MORC1: variants seen among roughly 807,000 people sequenced by gnomAD.
MORC1 encodes the protein MORC family CW-type zinc finger protein 1.
A neutral mutation model predicts 134.9 loss-of-function variants in MORC1; 59 were observed. That is an observed-to-expected ratio of 0.44 (90% CI 0.35 to 0.54). The LOEUF is 0.54. MORC1 is among the 20% of genes least tolerant of loss of function. The probability of loss-of-function intolerance (pLI) is 0.00; values close to 1 mark genes in which losing one functional copy is unlikely to be tolerated. For synonymous variants in MORC1, 395 were observed against 391.7 expected (o/e 1.01, Z -0.10); for missense variants, 947 against 1,134.5 (o/e 0.83, Z 2.37).
intron 9 of MORC1, among the ~76,000 whole-genome samples, chr3:109,067,658 A>G (rs1950228005): frequency 6.6e-6 from 1 of 152,238 alleles, no homozygotes. Context: ...GCTTCCCAGA[A>G]GAATGAGACT....
chr3:109,049,528 G>GTTAGCA (rs1949772066), intron 14 of MORC1, among the ~76,000 whole-genome samples: 1 of 152,048 alleles, frequency 6.6e-6, no homozygotes, highest in Admixed American at 6.5e-5. Flanking sequence ...TTAGTTAGAA[G>GTTAGCA]TTAGCATTAG....
At chr3:109,079,585 G>T (rs1241803627) in intron 8 of MORC1, among the ~76,000 whole-genome samples, 1 of 151,874 alleles carries the variant, frequency 6.6e-6, no homozygotes, top group Admixed American at 6.6e-5. Context: ...CATAAAAAAT[G>T]CCATTAAGAC....
At chr3:108,985,727 G>A (rs950324517) in intron 22 of MORC1, among the ~76,000 whole-genome samples, 2 of 152,146 alleles carry the variant, frequency 1.3e-5, no homozygotes, top group Non-Finnish European at 2.9e-5. Flanking sequence ...CCTAGGATGA[G>A]TATTTAAAAT....
intron 14 of MORC1, among the ~76,000 whole-genome samples, chr3:109,047,046 T>C (rs74837533): frequency 0.017 from 2,552 of 152,234 alleles, 70 homozygotes; most frequent in African/African-American, 0.058. Context: ...AGAGTTTACA[T>C]GTACACGTTT....
chr3:109,081,783 T>C (rs1950524871), intron 8 of MORC1, among the ~76,000 whole-genome samples: 1 of 152,106 alleles, frequency 6.6e-6, no homozygotes, highest in Non-Finnish European at 1.5e-5. Flanking sequence ...CATGATGATC[T>C]TTCCCCCAAT....
chr3:109,006,700 A>G (rs1948548085), intron 18 of MORC1, among the ~76,000 whole-genome samples: 1 of 152,204 alleles, frequency 6.6e-6, no homozygotes, highest in Non-Finnish European at 1.5e-5. Context: ...TATATATACA[A>G]CATATTTCTA....
At chr3:109,040,426 AG>A (rs1949494252) in intron 14 of MORC1, among the ~76,000 whole-genome samples, 1 of 105,498 alleles carries the variant, frequency 9.5e-6, no homozygotes, top group African/African-American at 3.3e-5. Flanking sequence ...GAAGGAAGGA[AG>A]GAAAGAAAGA....
intron 8 of MORC1, among the ~76,000 whole-genome samples, chr3:109,074,863 G>A (rs769510182): frequency 4.6e-5 from 7 of 152,182 alleles, no homozygotes; most frequent in African/African-American, 7.2e-5. Flanking sequence ...CTGGTACTGT[G>A]CCTGTTCTAT....
intron 21 of MORC1, among the ~76,000 whole-genome samples, chr3:108,992,719 T>C (rs948510383): frequency 2.6e-5 from 4 of 152,228 alleles, no homozygotes; most frequent in African/African-American, 9.6e-5. Context: ...GCTAACTGCC[T>C]CATCTCTCTC....
intron 20 of MORC1, 64 bp downstream of exon 20, chr3:109,004,753 G>T: frequency 6.9e-7 from 1 of 1,455,454 alleles, no homozygotes; most frequent in Admixed American, 2.0e-5. Flanking sequence ...AAAACTTAAA[G>T]ATTAAAGGTT....
chr3:109,091,678 G>A (rs1031974554), intron 8 of MORC1, among the ~76,000 whole-genome samples: 6 of 151,870 alleles, frequency 4.0e-5, no homozygotes, highest in Non-Finnish European at 7.4e-5. Flanking sequence ...GAAATATATC[G>A]CGTCCTCAGT....
chr3:109,037,010 C>T (rs1456203107), intron 14 of MORC1, among the ~76,000 whole-genome samples: 2 of 152,172 alleles, frequency 1.3e-5, no homozygotes, highest in Non-Finnish European at 2.9e-5. Flanking sequence ...TACTGTAAAT[C>T]CTTCCCTTAG....
chr3:109,001,826 T>G (rs924829563), intron 20 of MORC1, among the ~76,000 whole-genome samples: 1 of 152,194 alleles, frequency 6.6e-6, no homozygotes, highest in Admixed American at 6.5e-5. Flanking sequence ...TCCAGACTCA[T>G]GTATATGACT....
intron 14 of MORC1, 66 bp from the exon 15 acceptor site, chr3:109,035,534 AG>A: frequency 9.3e-7 from 1 of 1,076,906 alleles, no homozygotes; most frequent in South Asian, 1.6e-5. Context: ...CAATTGGCAA[AG>A]GGAAGTTTGT....
intron 8 of MORC1, among the ~76,000 whole-genome samples, chr3:109,084,009 T>C (rs986088397): frequency 1.3e-5 from 2 of 152,086 alleles, no homozygotes; most frequent in African/African-American, 4.8e-5. Flanking sequence ...GTAATATACC[T>C]CAAAATAATA....
intron 9 of MORC1, 23 bp downstream of exon 9, chr3:109,069,609 A>G (rs776438066): frequency 1.9e-6 from 3 of 1,547,424 alleles, no homozygotes; most frequent in South Asian, 1.2e-5. Flanking sequence ...CTCTGTGAAG[A>G]TAACTGAAGA....
rs770902533 is a variant in MORC1, at chr3:109,057,333, A to C, written c.1175+10T>G. The C allele has an allele frequency of 6.2e-7, 1 of 1,603,374 alleles. No individual in the cohort carries two copies. The highest frequency in any genetic ancestry group is 1.1e-5 in the South Asian group (1 of 88,344). The stretch of plus-strand genomic sequence containing the variant: ...TCTGCTTATATCTCTGAAAGCAAAA[A>C]CATACTCACAAGGACTTCAGTTTCA... On this transcript the variant is annotated intron_variant, in intron 13 of 27. Coordinates refer to ENST00000232603, the MANE Select transcript of MORC1 (RefSeq NM_014429.4).
At chr3:109,034,316 C>G (rs1559907752) in intron 15 of MORC1, among the ~76,000 whole-genome samples, 2 of 152,158 alleles carry the variant, frequency 1.3e-5, no homozygotes, top group African/African-American at 4.8e-5. Context: ...ACACTATAGG[C>G]TGCTTTTTTG....
intron 4 of MORC1, among the ~76,000 whole-genome samples, chr3:109,101,777 C>G (rs1950930534): frequency 6.6e-6 from 1 of 152,202 alleles, no homozygotes; most frequent in Admixed American, 6.5e-5. Flanking sequence ...ATTACTATGA[C>G]CTGCATGTCA....
Sources: allele counts gnomAD v4.1 joint callset (sites outside exome capture counted in the v4.1 genomes callset), GRCh38; gene constraint gnomAD v4.1.1; transcripts MANE v1.5; gene names NCBI Gene and HGNC (gene_info 2026-07-23, HGNC 2026-07-21).